The following ARB2A variants were observed in gnomAD, a reference collection of about 807,000 sequenced individuals.
ARB2A encodes cotranscriptional regulator ARB2A.
chr5:93,922,844 A>C, the ARB2A span, among the ~76,000 whole-genome samples: 245 of 152,260 alleles, frequency 1.6e-3, no homozygotes, highest in African/African-American at 5.4e-3. Flanking sequence ...CTGGTTTTTG[A>C]CTTCTTTTAT....
At chr5:93,927,339 A>C in the ARB2A span, among the ~76,000 whole-genome samples, 3 of 152,184 alleles carry the variant, frequency 2.0e-5, no homozygotes, top group Non-Finnish European at 4.4e-5. Flanking sequence ...TCCCTCAGCT[A>C]GTCTCCATGT....
the ARB2A span, among the ~76,000 whole-genome samples, chr5:93,889,213 T>G: frequency 3.3e-5 from 5 of 151,852 alleles, no homozygotes; most frequent in Non-Finnish European, 7.4e-5. Flanking sequence ...GTTAAGTTTG[T>G]GTTTGTGTTA....
the ARB2A span, among the ~76,000 whole-genome samples, chr5:94,107,265 T>C: frequency 1.2e-4 from 18 of 152,214 alleles, no homozygotes; most frequent in African/African-American, 3.9e-4. Flanking sequence ...CAAACAATAT[T>C]AGAGAAAGCA....
At chr5:94,005,533 T>A in the ARB2A span, among the ~76,000 whole-genome samples, 2 of 152,204 alleles carry the variant, frequency 1.3e-5, no homozygotes, top group Non-Finnish European at 2.9e-5. Context: ...TACAAATGAC[T>A]GCAAAAGCAC....
the ARB2A span, among the ~76,000 whole-genome samples, chr5:93,702,561 T>C: frequency 6.6e-6 from 1 of 152,156 alleles, no homozygotes; most frequent in Non-Finnish European, 1.5e-5. Flanking sequence ...CATAGCCAAA[T>C]CCCTAGTATT....
the ARB2A span, among the ~76,000 whole-genome samples, chr5:93,677,430 A>C: frequency 6.6e-6 from 1 of 152,216 alleles, no homozygotes; most frequent in African/African-American, 2.4e-5. Flanking sequence ...CAATATAAAA[A>C]ACGCTGAGAA....
At chr5:93,740,453 A>C in the ARB2A span, 2 of 1,088,916 alleles carry the variant, frequency 1.8e-6, no homozygotes, top group South Asian at 3.4e-5. Context: ...TGTATCCTTA[A>C]CTTCTTTAGA....
At chr5:93,805,091 A>G in the ARB2A span, 1 of 969,300 alleles carries the variant, frequency 1.0e-6, no homozygotes, top group Non-Finnish European at 1.2e-6. Flanking sequence ...CTACAAAGTT[A>G]CCATGGTGTT....
the ARB2A span, among the ~76,000 whole-genome samples, chr5:93,720,465 A>G: frequency 6.6e-6 from 1 of 152,222 alleles, no homozygotes; most frequent in Non-Finnish European, 1.5e-5. Context: ...TTTCGGTGTC[A>G]TATCTTTAAG....
At chr5:93,769,448 A>G in the ARB2A span, among the ~76,000 whole-genome samples, 6 of 152,154 alleles carry the variant, frequency 3.9e-5, no homozygotes, top group Admixed American at 1.3e-4. Context: ...GGTTGTTTCT[A>G]TTTGAATTTC....
chr5:93,968,509 A>G, the ARB2A span, among the ~76,000 whole-genome samples: 1 of 152,136 alleles, frequency 6.6e-6, no homozygotes, highest in East Asian at 1.9e-4. Flanking sequence ...GGAAATGCTC[A>G]AAATGTAAAT....
At chr5:93,649,713 C>T in the ARB2A span, among the ~76,000 whole-genome samples, 3 of 152,172 alleles carry the variant, frequency 2.0e-5, no homozygotes, top group African/African-American at 7.2e-5. Flanking sequence ...CTGCCCACTG[C>T]AGGACAGATG....
the ARB2A span, among the ~76,000 whole-genome samples, chr5:93,937,610 CA>C: frequency 3.2e-4 from 45 of 139,230 alleles, no homozygotes; most frequent in Admixed American, 4.3e-4. Context: ...GACTCCATCT[CA>C]AAAAAAAAAA....
At chr5:93,734,073 CA>C in the ARB2A span, 1 of 152,068 alleles carries the variant, frequency 6.6e-6, no homozygotes, top group South Asian at 2.1e-4. Flanking sequence ...AGAAAAAGAT[CA>C]TGCTTTGAAA....
At chr5:93,790,859 T>A in the ARB2A span, among the ~76,000 whole-genome samples, 1 of 152,344 alleles carries the variant, frequency 6.6e-6, no homozygotes, top group Admixed American at 6.5e-5. Context: ...TAGACGTGCT[T>A]AGATTTTTAT....
the ARB2A span, among the ~76,000 whole-genome samples, chr5:93,969,287 A>C: frequency 6.6e-6 from 1 of 152,088 alleles, no homozygotes; most frequent in Admixed American, 6.6e-5. Context: ...GCGACAAGAC[A>C]GGAGAACTGA....
the ARB2A span, among the ~76,000 whole-genome samples, chr5:93,657,307 A>T: frequency 6.6e-6 from 1 of 152,186 alleles, no homozygotes; most frequent in Admixed American, 6.6e-5. Flanking sequence ...AGATAGATGG[A>T]TTAGGCTACT....
the ARB2A span, among the ~76,000 whole-genome samples, chr5:93,899,850 G>A: frequency 6.6e-6 from 1 of 152,130 alleles, no homozygotes; most frequent in South Asian, 2.1e-4. Context: ...TGCCTATGGA[G>A]TACTTGAAAA....
At chr5:93,961,066 A>G in the ARB2A span, among the ~76,000 whole-genome samples, 1 of 152,168 alleles carries the variant, frequency 6.6e-6, no homozygotes, top group Admixed American at 6.6e-5. Context: ...GATAAGAACA[A>G]AATAAAAAAA....
Sources: gnomAD v4.1 joint callset for allele counts (sites outside exome capture counted in the v4.1 genomes callset) on GRCh38, gnomAD v4.1.1 for gene constraint, MANE v1.5 for transcripts, NCBI Gene and HGNC (gene_info 2026-07-23, HGNC 2026-07-21) for gene names.